PCNX1: variants seen among roughly 807,000 people sequenced by gnomAD.
The protein encoded by PCNX1 is pecanex-like protein 1.
A neutral mutation model predicts 242.2 loss-of-function variants in PCNX1; 78 were observed. That is an observed-to-expected ratio of 0.32 (90% CI 0.27 to 0.39). The LOEUF (loss-of-function observed/expected upper bound fraction) is 0.39, where lower values mean the gene tolerates loss of function less well. Among genes scored for constraint, PCNX1 ranks in the 10% least tolerant of loss-of-function variants. The pLI is 1.00. For synonymous variants in PCNX1, 1,024 were observed against 1,032.9 expected (o/e 0.99, Z 0.17); for missense variants, 2,581 against 2,856.5 (o/e 0.90, Z 2.20).
chr14:71,031,804 A>G, intron 16 of PCNX1: 1 of 1,483,158 alleles, frequency 6.7e-7, no homozygotes, highest in Non-Finnish European at 9.4e-7. Flanking sequence ...GCCCATGCAT[A>G]GCTTGGCAGC....
intron 1 of PCNX1, among the ~76,000 whole-genome samples, chr14:70,941,027 A>T (rs2057219875): frequency 6.6e-6 from 1 of 152,164 alleles, no homozygotes; most frequent in African/African-American, 2.4e-5. Context: ...CCATTTGTCT[A>T]ATCTTTTTTC....
At chr14:70,935,345 G>C (rs773237738) in intron 1 of PCNX1, among the ~76,000 whole-genome samples, 3 of 152,192 alleles carry the variant, frequency 2.0e-5, no homozygotes, top group Non-Finnish European at 4.4e-5. Flanking sequence ...CCAAGAGTTT[G>C]AGAACAGCCT....
chr14:70,982,590 A>G (rs1188273924), intron 6 of PCNX1, among the ~76,000 whole-genome samples: 1 of 152,236 alleles, frequency 6.6e-6, no homozygotes, highest in Non-Finnish European at 1.5e-5. Context: ...AAGCTTAGAC[A>G]TATATAAAAC....
intron 33 of PCNX1, among the ~76,000 whole-genome samples, chr14:71,107,211 TAAGACATTTACTTAAATGTA>T (rs1346774114): frequency 6.6e-6 from 1 of 152,140 alleles, no homozygotes; most frequent in African/African-American, 2.4e-5. Context: ...AATAAAGTTC[TAAGACATTTACTTAAATGTA>T]AAGACATTTA....
chr14:71,103,551 A>G lies in PCNX1; in HGVS notation c.5977A>G (p.Ile1993Val), dbSNP rs1259734513. Reference protein sequence around the residue: ...SSCDQPIGYPIFVSPLTTSYS... With the variant: ...SSCDQPIGYPVFVSPLTTSYS... The stretch of plus-strand genomic sequence containing the variant: ...TTGTGATCAACCTATTGGCTACCCA[A>G]TCTTTGTCTCACCCCTGACAACTTC... Residue 1993 changes from isoleucine to valine, a missense_variant, in exon 32 of 36, where the codon ATC becomes GTC. Around this residue, in one of 9 missense-constraint regions of PCNX1, gnomAD observed 432 missense variants for 433.6 expected, o/e 1.00. Coordinates refer to ENST00000304743, the MANE Select transcript of PCNX1 (RefSeq NM_014982.3). The G allele has an allele frequency of 4.3e-6, 7 of 1,614,070 alleles. No individual in the cohort carries two copies. Among genetic ancestry groups the G allele is most frequent in the East Asian group, 4.5e-5 (2 of 44,900 alleles).
At chr14:70,966,586 C>A (rs1253609840) in intron 3 of PCNX1, among the ~76,000 whole-genome samples, 1 of 152,164 alleles carries the variant, frequency 6.6e-6, no homozygotes, top group Non-Finnish European at 1.5e-5. Flanking sequence ...ATACACCTAC[C>A]TCTAGACCAG....
chr14:71,055,489 T>C lies in PCNX1; in HGVS notation c.4578-15T>C, dbSNP rs2061158571. 1 of 1,547,500 alleles carries C rather than the reference T, an allele frequency of 6.5e-7. No individual in the cohort carries two copies. Among genetic ancestry groups the C allele is most frequent in the African/African-American group, 1.4e-5 (1 of 73,398 alleles). The stretch of plus-strand genomic sequence containing the variant: ...AATGTAAAGAAAGTTACTAAAAATG[T>C]TTTATTTTCTTTAGCACAAAACGAG... On this transcript the variant is annotated splice_polypyrimidine_tract_variant and intron_variant, in intron 24 of 35. Transcript: ENST00000304743.
chr14:70,964,424 T>A (rs574999808), intron 3 of PCNX1, among the ~76,000 whole-genome samples: 1 of 152,338 alleles, frequency 6.6e-6, no homozygotes, highest in Admixed American at 6.5e-5. Context: ...CAAGGGTTAC[T>A]ATCCTTGATC....
At chr14:71,098,426 C>G (rs1175828860) in intron 30 of PCNX1, among the ~76,000 whole-genome samples, 1 of 150,910 alleles carries the variant, frequency 6.6e-6, no homozygotes, top group African/African-American at 2.4e-5. Context: ...AATGTTTTTC[C>G]ATTTGTGTCA....
At chr14:71,076,032 A>C (rs1454029207) in intron 27 of PCNX1, among the ~76,000 whole-genome samples, 157 bp from the exon 28 acceptor site, 1 of 152,072 alleles carries the variant, frequency 6.6e-6, no homozygotes, top group Non-Finnish European at 1.5e-5. Context: ...ATATATATGT[A>C]GAATATTGAG....
intron 23 of PCNX1, among the ~76,000 whole-genome samples, chr14:71,051,345 A>C (rs2061030509): frequency 6.6e-6 from 1 of 152,164 alleles, no homozygotes; most frequent in Admixed American, 6.5e-5. Flanking sequence ...GCATATGTGA[A>C]TATTAAAGTC....
intron 9 of PCNX1, 179 bp downstream of exon 9, chr14:71,009,903 A>G: frequency 2.3e-6 from 1 of 430,396 alleles, no homozygotes; most frequent in South Asian, 5.8e-5. Flanking sequence ...AATATCATAT[A>G]CATTGGCTTA....
At chr14:70,918,940 G>A (rs1039552713) in intron 1 of PCNX1, among the ~76,000 whole-genome samples, 3 of 150,812 alleles carry the variant, frequency 2.0e-5, no homozygotes, top group African/African-American at 7.3e-5. Context: ...GAGTACAGTG[G>A]TGTGATAATA....
Position 70,977,593 on chromosome 14 carries a change from A to C in PCNX1, c.1256A>C (p.Glu419Ala). The change falls in exon 6 of 36, where the codon GAG (glutamate) becomes GCG (alanine). Residue 419 changes from glutamate to alanine, a missense_variant. Coordinates refer to ENST00000304743, the MANE Select transcript of PCNX1 (RefSeq NM_014982.3). The stretch of plus-strand genomic sequence containing the variant: ...GAGAGCATCCTGTCAGAGCATGAGG[A>C]GTCTCCTAAAGCAGGAACAAAAAGT... Reference protein sequence around the residue: ...HIESILSEHEESPKAGTKSGR... With the variant: ...HIESILSEHEASPKAGTKSGR... 2.5e-6 allele frequency: 4 copies of C among 1,614,232 alleles called. No homozygotes were observed. The highest frequency in any genetic ancestry group is 2.5e-6 in the Non-Finnish European group (3 of 1,180,038).
At chr14:71,008,667 A>G (rs1566692053) in intron 8 of PCNX1, among the ~76,000 whole-genome samples, 2 of 150,724 alleles carry the variant, frequency 1.3e-5, no homozygotes, top group Non-Finnish European at 3.0e-5. Context: ...AAAAAAAAAA[A>G]AAAAAAAAAA....
At chr14:70,980,800 T>A (rs747607666) in intron 6 of PCNX1, among the ~76,000 whole-genome samples, 1 of 152,180 alleles carries the variant, frequency 6.6e-6, no homozygotes, top group Non-Finnish European at 1.5e-5. Flanking sequence ...TATCCTTCCT[T>A]ACATACTGTA....
rs571043898 is a variant in PCNX1 at position 70,937,668 on chromosome 14, A to G, written c.154-9247A>G. Among the ~76,000 whole-genome samples the G allele has an allele frequency of 7.4e-4, 113 of 152,302 alleles. 1 individual carries two copies. The highest frequency in any genetic ancestry group is 2.6e-3 in the African/African-American group (107 of 41,564). On this transcript the variant is annotated intron_variant, in intron 1 of 35. Transcript: ENST00000304743. Reference sequence around the variant, plus strand: ...TAAAGTAGTTTTTTTCCAATCTGTGAAGAAAGTCATTGGTAGCTTGATGGG... The same window carrying G: ...TAAAGTAGTTTTTTTCCAATCTGTGGAGAAAGTCATTGGTAGCTTGATGGG...
chr14:70,907,792 T>A lies in PCNX1; in HGVS notation c.-59T>A. On this transcript the variant is annotated 5_prime_UTR_variant, in exon 1 of 36. Transcript: ENST00000304743. ...CAGGCTCCGGCGACCGAGGCCGAGC[T>A]GGGGCCGGGGCGGGGACGGCGGCGG... 8.3e-7 allele frequency: 1 copy of A among 1,208,556 alleles called. No homozygotes were observed. Among genetic ancestry groups the A allele is most frequent in the Non-Finnish European group, 1.0e-6 (1 of 973,402 alleles). The allele number at this position is 1,208,556 out of a possible 1,614,324, so 74.9% of individuals were successfully genotyped here. A position where few individuals can be genotyped will look rare whatever the true frequency, so the allele number is the denominator to read the frequency against.
intron 3 of PCNX1, among the ~76,000 whole-genome samples, chr14:70,967,556 T>C (rs1224296801): frequency 1.3e-5 from 2 of 152,350 alleles, no homozygotes; most frequent in Middle Eastern, 3.4e-3. Flanking sequence ...CTATCTTGAA[T>C]ATAAGCACTA....
Sources: gnomAD v4.1 joint callset for allele counts (sites outside exome capture counted in the v4.1 genomes callset) on GRCh38, gnomAD v4.1.1 for gene constraint, gnomAD v4.1.1 regional missense constraint, MANE v1.5 for transcripts, NCBI Gene and HGNC (gene_info 2026-07-23, HGNC 2026-07-21) for gene names.